The following MAP2K6 variants were observed in gnomAD, a reference collection of about 807,000 sequenced individuals.
MAP2K6 encodes dual specificity mitogen-activated protein kinase kinase 6.
A neutral mutation model predicts 53.7 loss-of-function variants in MAP2K6; 16 were observed. That is an observed-to-expected ratio of 0.30 (90% CI 0.20 to 0.45). MAP2K6 has a LOEUF of 0.45. Ranked by LOEUF, MAP2K6 falls within the 20% of genes least tolerant of loss-of-function variation. The pLI is 1.00. For missense variants in MAP2K6, 204 were observed against 411.9 expected, an observed-to-expected ratio of 0.50 and a Z score of 4.37; for synonymous variants, 132 against 143.1, an observed-to-expected ratio of 0.92 and a Z score of 0.55.
chr17:69,470,624 G>A (rs1463361129), intron 1 of MAP2K6, among the ~76,000 whole-genome samples: 2 of 152,188 alleles, frequency 1.3e-5, no homozygotes, highest in East Asian at 3.8e-4. Flanking sequence ...CCATCTCATG[G>A]CTTTTATTTT....
chr17:69,514,058 G>A (rs1417045531), intron 2 of MAP2K6, among the ~76,000 whole-genome samples: 4 of 151,156 alleles, frequency 2.6e-5, no homozygotes, highest in Admixed American at 6.6e-5. Flanking sequence ...GCAGTGAGCC[G>A]AGATCGTGCC....
chr17:69,445,620 C>T (rs1220050559), intron 1 of MAP2K6, among the ~76,000 whole-genome samples: 5 of 152,148 alleles, frequency 3.3e-5, no homozygotes, highest in Non-Finnish European at 7.3e-5. Context: ...AGTTGGTGAA[C>T]CCAAGGCTAG....
At chr17:69,511,417 C>T (rs1909803374) in intron 2 of MAP2K6, among the ~76,000 whole-genome samples, 1 of 152,148 alleles carries the variant, frequency 6.6e-6, no homozygotes, top group African/African-American at 2.4e-5. Flanking sequence ...CTGCGCTTCA[C>T]AAAAATAAAT....
At chr17:69,503,504 A>T (rs1909278386) in intron 1 of MAP2K6, among the ~76,000 whole-genome samples, 1 of 152,214 alleles carries the variant, frequency 6.6e-6, no homozygotes, top group African/African-American at 2.4e-5. Context: ...AGTAAACCCA[A>T]ATGAGGAGAG....
chr17:69,447,359 T>G (rs1246788920), intron 1 of MAP2K6, among the ~76,000 whole-genome samples: 1 of 152,022 alleles, frequency 6.6e-6, no homozygotes, highest in Non-Finnish European at 1.5e-5. Context: ...CATTTTTATA[T>G]TTTTGAGATG....
At chr17:69,514,902 C>T (rs1435105930) in intron 2 of MAP2K6, among the ~76,000 whole-genome samples, 1 of 152,066 alleles carries the variant, frequency 6.6e-6, no homozygotes, top group Non-Finnish European at 1.5e-5. Context: ...TATTCAATTT[C>T]AGCAAAAGGG....
intron 3 of MAP2K6, 57 bp from the exon 4 acceptor site, chr17:69,517,443 T>C (rs1910209424): frequency 2.2e-6 from 2 of 927,016 alleles, no homozygotes; most frequent in Non-Finnish European, 3.3e-6. Flanking sequence ...GATAATGTGC[T>C]CTCTGTTCTG....
chr17:69,416,237 C>T (rs996141739), intron 1 of MAP2K6, among the ~76,000 whole-genome samples: 2 of 152,062 alleles, frequency 1.3e-5, no homozygotes, highest in African/African-American at 4.8e-5. Flanking sequence ...TTAATTCTAC[C>T]TGATGGGAGT....
At chr17:69,442,763 A>T (rs1047696977) in intron 1 of MAP2K6, among the ~76,000 whole-genome samples, 1 of 152,312 alleles carries the variant, frequency 6.6e-6, no homozygotes, top group South Asian at 2.1e-4. Context: ...GGTTCTGCCA[A>T]TTGTAAGCTG....
At chr17:69,449,569 C>CTTTA (rs1283893107) in intron 1 of MAP2K6, among the ~76,000 whole-genome samples, 16 of 103,236 alleles carry the variant, frequency 1.5e-4, no homozygotes, top group Non-Finnish European at 3.0e-4. Flanking sequence ...TTATTTCTTT[C>CTTTA]TTTCTTTCTT....
chr17:69,473,136 G>T (rs1386690580), intron 1 of MAP2K6, among the ~76,000 whole-genome samples: 1 of 152,030 alleles, frequency 6.6e-6, no homozygotes, highest in Non-Finnish European at 1.5e-5. Context: ...ACTTATTCTT[G>T]TTTATATTAA....
chr17:69,528,371 G>T (rs912354118), intron 10 of MAP2K6, among the ~76,000 whole-genome samples: 6 of 152,086 alleles, frequency 3.9e-5, no homozygotes, highest in Non-Finnish European at 7.4e-5. Context: ...CCTCTTAAAA[G>T]ATATATCTTC....
At chr17:69,429,400 T>C (rs1000810413) in intron 1 of MAP2K6, among the ~76,000 whole-genome samples, 2 of 151,592 alleles carry the variant, frequency 1.3e-5, no homozygotes, top group African/African-American at 4.9e-5. Flanking sequence ...CAGTGATCAT[T>C]CCACTGCACT....
At chr17:69,504,876 A>T (rs1909378650) in intron 1 of MAP2K6, among the ~76,000 whole-genome samples, 1 of 152,344 alleles carries the variant, frequency 6.6e-6, no homozygotes, top group East Asian at 1.9e-4. Context: ...CCTTTCTGGA[A>T]CAGGGAAAAT....
At chr17:69,476,312 C>A in intron 1 of MAP2K6, among the ~76,000 whole-genome samples, 1 of 152,124 alleles carries the variant, frequency 6.6e-6, no homozygotes, top group African/African-American at 2.4e-5. Flanking sequence ...AAAAACCCCT[C>A]AAAAACAAAA....
rs1002183853 is a variant in MAP2K6 at position 69,544,873 on chromosome 17, A to G, written c.*3120A>G. On this transcript the variant is annotated 3_prime_UTR_variant, in exon 12 of 12. Transcript: ENST00000590474. Reference sequence around the variant, plus strand: ...TATTTTTGCCACTCCTCTTTCAGAAAAGGCTTTAGAATCCACTCCCTCCTC... The same window carrying G: ...TATTTTTGCCACTCCTCTTTCAGAAGAGGCTTTAGAATCCACTCCCTCCTC... The G allele has an allele frequency of 1.3e-5, 2 of 152,168 alleles. No individual in the cohort carries two copies. The highest frequency in any genetic ancestry group is 4.8e-5 in the African/African-American group (2 of 41,436). The allele number at this position is 152,168 out of a possible 1,614,324, so 9.4% of individuals were successfully genotyped here. A position where few individuals can be genotyped will look rare whatever the true frequency, so the allele number is the denominator to read the frequency against.
chr17:69,506,458 C>T (rs557765067), intron 2 of MAP2K6, among the ~76,000 whole-genome samples: 22 of 150,412 alleles, frequency 1.5e-4, no homozygotes, highest in African/African-American at 2.9e-4. Context: ...GTGGTGGGAA[C>T]GGTACTTCCT....
At position 69,543,799 on chromosome 17, in the gene MAP2K6, T is replaced by G. The variant is rs1315108583; in HGVS notation, c.*2046T>G. On this transcript the variant is annotated 3_prime_UTR_variant, in exon 12 of 12. Transcript: ENST00000590474. Reference sequence around the variant, plus strand: ...TTTGAGACATTCTAAACAGAATGTGTAACTTCTCATATGTATGCCTCTCCC... The same window carrying G: ...TTTGAGACATTCTAAACAGAATGTGGAACTTCTCATATGTATGCCTCTCCC... 2.0e-5 allele frequency: 3 copies of G among 152,212 alleles called. No individual in the cohort carries two copies. The highest frequency in any genetic ancestry group is 4.4e-5 in the Non-Finnish European group (3 of 68,048). 9.4% of individuals were successfully genotyped at this position (152,212 alleles called of 1,614,324 possible).
Position 69,543,324 on chromosome 17 carries a change from C to T in MAP2K6, c.*1571C>T, listed in dbSNP as rs1222312275. The T allele has an allele frequency of 6.6e-6, 1 of 152,116 alleles. No homozygotes were observed. The highest frequency in any genetic ancestry group is 2.4e-5 in the African/African-American group (1 of 41,420). 9.4% of individuals were successfully genotyped at this position (152,116 alleles called of 1,614,324 possible). ...TTCCCTGAATCCTCTCTTCCTTCCC[C>T]TTTTAGATTTTGAAGTGCAATCATA... On this transcript the variant is annotated 3_prime_UTR_variant, in exon 12 of 12. Coordinates refer to ENST00000590474, the MANE Select transcript of MAP2K6 (RefSeq NM_002758.4).
Sources: gnomAD v4.1 joint callset for allele counts (sites outside exome capture counted in the v4.1 genomes callset) on GRCh38, gnomAD v4.1.1 for gene constraint, MANE v1.5 for transcripts, NCBI Gene and HGNC (gene_info 2026-07-23, HGNC 2026-07-21) for gene names.